Variants in SNX9 observed in about 807,000 individuals in gnomAD.
The protein encoded by SNX9 is sorting nexin-9.
In SNX9, 44 loss-of-function variants were observed where a neutral mutation model predicts 89.4. That is an observed-to-expected ratio of 0.49 (90% confidence interval 0.39 to 0.63). The LOEUF is 0.63. SNX9 is among the 30% of genes least tolerant of loss of function. SNX9 has a pLI of 0.00. For synonymous variants in SNX9, 236 were observed against 247.8 expected (o/e 0.95, Z 0.45); for missense variants, 578 against 736.1 (o/e 0.79, Z 2.49).
At chr6:157,878,430 C>CTTTTTTTTTTTTTTTTT (rs374518124) in intron 4 of SNX9, among the ~76,000 whole-genome samples, 1 of 146,880 alleles carries the variant, frequency 6.8e-6, no homozygotes, top group African/African-American at 2.5e-5. Flanking sequence ...GGAAGCCCAC[C>CTTTTTTTTTTTTTTTTT]ATTTTTTTTT....
intron 1 of SNX9, among the ~76,000 whole-genome samples, chr6:157,825,153 C>T (rs1433261192): frequency 6.6e-6 from 1 of 152,280 alleles, no homozygotes; most frequent in South Asian, 2.1e-4. Context: ...GAGGCTGAGG[C>T]AGGAGAATCG....
intron 2 of SNX9, among the ~76,000 whole-genome samples, chr6:157,870,790 C>T (rs942602486): frequency 1.3e-5 from 2 of 149,764 alleles, no homozygotes; most frequent in East Asian, 2.0e-4. Flanking sequence ...TGCACTCACC[C>T]GTGCAAGCAC....
chr6:157,825,853 T>C (rs1781333461), intron 1 of SNX9, among the ~76,000 whole-genome samples: 1 of 152,216 alleles, frequency 6.6e-6, no homozygotes, highest in Non-Finnish European at 1.5e-5. Context: ...TGAGTAGTTG[T>C]GTTTTTTCTT....
intron 7 of SNX9, among the ~76,000 whole-genome samples, chr6:157,907,357 C>T (rs1783238389): frequency 6.6e-6 from 1 of 152,188 alleles, no homozygotes; most frequent in Non-Finnish European, 1.5e-5. Context: ...TCTTGGCTCA[C>T]TGCAACCTCT....
intron 10 of SNX9, among the ~76,000 whole-genome samples, chr6:157,926,764 A>G (rs1355476651): frequency 6.7e-6 from 1 of 148,648 alleles, no homozygotes; most frequent in Non-Finnish European, 1.5e-5. Flanking sequence ...CTAGAAGGCA[A>G]AGTGAGACTC....
rs964917232 is a variant in SNX9 at position 157,944,743 on chromosome 6, G to A, written c.*1905G>A. 2 of 152,236 alleles carry A rather than the reference G, an allele frequency of 1.3e-5. No individual in the cohort carries two copies. Among genetic ancestry groups the A allele is most frequent in the Non-Finnish European group, 2.9e-5 (2 of 68,050 alleles). 9.4% of individuals were successfully genotyped at this position (152,236 alleles called of 1,614,324 possible). On this transcript the variant is annotated 3_prime_UTR_variant, in exon 18 of 18. Coordinates refer to ENST00000392185, the MANE Select transcript of SNX9 (RefSeq NM_016224.5). ...GCCAAGAAGCAGACAGTCTCCCAGT[G>A]TCTGACTCTCGGATATTTGGATTTG...
chr6:157,915,640 A>ATATATATATAT (rs1554296799), intron 9 of SNX9, among the ~76,000 whole-genome samples: 2 of 95,172 alleles, frequency 2.1e-5, no homozygotes, highest in African/African-American at 9.3e-5. Context: ...AAAAAAAAAA[A>ATATATATATAT]ATATATATAT....
intron 1 of SNX9, chr6:157,830,289 T>G (rs1307050925): frequency 6.6e-6 from 1 of 152,244 alleles, no homozygotes; most frequent in Middle Eastern, 3.2e-3. Context: ...TATATGTCTC[T>G]TAGGTATGAA....
At chr6:157,839,952 C>T (rs547915002) in intron 1 of SNX9, among the ~76,000 whole-genome samples, 1 of 152,286 alleles carries the variant, frequency 6.6e-6, no homozygotes, top group African/African-American at 2.4e-5. Context: ...ATTCTCCTAT[C>T]CTCTCCGGTT....
chr6:157,901,961 A>G lies in SNX9; in HGVS notation c.536A>G (p.Lys179Arg), dbSNP rs186212763. The change falls in exon 6 of 18, where the codon AAG becomes AGG. Residue 179 changes from lysine (K) to arginine (R), a missense_variant. Physicochemically the swap from Lys to Arg is conservative, Grantham distance 26. Coordinates refer to ENST00000392185, the MANE Select transcript of SNX9 (RefSeq NM_016224.5). ...GGGCCCAAATCCTCTTCCTACTTTAAGGATTCAGAGTCAGCTGATGCAGGC... is the reference window on the plus strand; with the variant it reads ...GGGCCCAAATCCTCTTCCTACTTTAGGGATTCAGAGTCAGCTGATGCAGGC... Reference protein sequence around the residue: ...WDGPKSSSYFKDSESADAGGA... With the variant: ...WDGPKSSSYFRDSESADAGGA... 16 of 1,613,770 alleles carry G rather than the reference A, an allele frequency of 9.9e-6. No individual in the cohort carries two copies. Among genetic ancestry groups the G allele is most frequent in the Non-Finnish European group, 1.4e-5 (16 of 1,179,912 alleles).
chr6:157,831,489 A>G (rs1781478251), intron 1 of SNX9, among the ~76,000 whole-genome samples: 1 of 152,202 alleles, frequency 6.6e-6, no homozygotes. Context: ...TTCCTTGCAC[A>G]CAGGTTTTCC....
intron 2 of SNX9, among the ~76,000 whole-genome samples, chr6:157,869,363 C>T (rs911307704): frequency 2.0e-5 from 3 of 152,194 alleles, no homozygotes; most frequent in African/African-American, 7.2e-5. Flanking sequence ...ACACCTTCAC[C>T]TAGTTTTTTC....
At chr6:157,872,945 G>A (rs949301380) in intron 2 of SNX9, 157 bp from the exon 3 acceptor site, 12 of 490,544 alleles carry the variant, frequency 2.4e-5, no homozygotes, top group Middle Eastern at 5.6e-4. Context: ...GTAAAGAGAA[G>A]GCTTAAGAAT....
intron 1 of SNX9, among the ~76,000 whole-genome samples, chr6:157,824,686 T>C (rs1189409447): frequency 6.6e-6 from 1 of 152,208 alleles, no homozygotes; most frequent in Non-Finnish European, 1.5e-5. Flanking sequence ...TGTAGAGAAA[T>C]GGGGATTCTC....
intron 1 of SNX9, among the ~76,000 whole-genome samples, chr6:157,828,184 T>C (rs1219371825): frequency 6.7e-6 from 1 of 149,072 alleles, no homozygotes; most frequent in Non-Finnish European, 1.5e-5. Context: ...TGTATAACAG[T>C]AGTATTTTCT....
chr6:157,925,784 T>TA (rs1783679718), intron 10 of SNX9, among the ~76,000 whole-genome samples: 3 of 152,164 alleles, frequency 2.0e-5, no homozygotes, highest in African/African-American at 7.2e-5. Flanking sequence ...GGTAAAACTC[T>TA]AAACAAAGTG....
At chr6:157,903,080 T>G (rs1364669116) in intron 6 of SNX9, among the ~76,000 whole-genome samples, 2 of 152,254 alleles carry the variant, frequency 1.3e-5, no homozygotes, top group Non-Finnish European at 2.9e-5. Flanking sequence ...GGCTGTAGTC[T>G]ATGCCAGTGT....
intron 6 of SNX9, among the ~76,000 whole-genome samples, chr6:157,905,786 TG>T: frequency 6.6e-6 from 1 of 152,216 alleles, no homozygotes; most frequent in East Asian, 1.9e-4. Context: ...CAGATTGGCG[TG>T]CTCACTACTC....
intron 1 of SNX9, chr6:157,830,478 T>G (rs978828739): frequency 6.6e-6 from 1 of 152,260 alleles, no homozygotes; most frequent in Non-Finnish European, 1.5e-5. Flanking sequence ...TTCTCAGTTT[T>G]AGTATTTTGC....
Sources: allele counts gnomAD v4.1 joint callset (sites outside exome capture counted in the v4.1 genomes callset), GRCh38; gene constraint gnomAD v4.1.1; transcripts MANE v1.5; gene names NCBI Gene and HGNC (gene_info 2026-07-23, HGNC 2026-07-21).